BRINP2: variants seen among roughly 807,000 people sequenced by gnomAD.
The protein encoded by BRINP2 is BMP/retinoic acid-inducible neural-specific protein 2.
A neutral mutation model predicts 69.2 loss-of-function variants in BRINP2; 21 were observed. That is an observed-to-expected ratio of 0.30 (90% CI 0.22 to 0.44). The LOEUF (loss-of-function observed/expected upper bound fraction) is 0.44. Ranked by LOEUF, BRINP2 falls within the 20% of genes least tolerant of loss-of-function variation. The pLI, the probability that BRINP2 is intolerant of heterozygous loss-of-function variation, is 1.00. For missense variants in BRINP2, 877 were observed against 986.0 expected, an observed-to-expected ratio of 0.89 and a Z score of 1.48; for synonymous variants, 380 against 394.1, an observed-to-expected ratio of 0.96 and a Z score of 0.42.
At chr1:177,217,056 G>GA (rs1233005445) in intron 1 of BRINP2, among the ~76,000 whole-genome samples, 5 of 151,896 alleles carry the variant, frequency 3.3e-5, no homozygotes, top group Non-Finnish European at 2.9e-5. Context: ...CTTGATTAGA[G>GA]ACGTTTTCAT....
intron 2 of BRINP2, among the ~76,000 whole-genome samples, chr1:177,249,312 A>G (rs1650506655): frequency 6.6e-6 from 1 of 152,190 alleles, no homozygotes; most frequent in Non-Finnish European, 1.5e-5. Context: ...AAGATGGAAA[A>G]TGGACTGAAT....
At chr1:177,252,510 G>T (rs1451289204) in intron 2 of BRINP2, among the ~76,000 whole-genome samples, 1 of 152,054 alleles carries the variant, frequency 6.6e-6, no homozygotes, top group African/African-American at 2.4e-5. Context: ...TGCATACACC[G>T]AATAATGATC....
At position 177,280,640 on chromosome 1, in the gene BRINP2, G is replaced by A; in HGVS notation, c.1464G>A (p.Gln488=). Residue 488 remains glutamine (Q), a synonymous_variant, in exon 8 of 8, where the codon CAG becomes CAA. Coordinates refer to ENST00000361539, the MANE Select transcript of BRINP2 (RefSeq NM_021165.4). ...GCAACCCGGGCTATGTGCTGGCCCA[G>A]GGGCTGTGCCGGCCAGAGGTGGCCG... ...GSCNPGYVLA[Q]GLCRPEVAES... The A allele has an allele frequency of 6.2e-7, 1 of 1,614,208 alleles. No individual in the cohort carries two copies. The highest frequency in any genetic ancestry group is 8.5e-7 in the Non-Finnish European group (1 of 1,180,030).
At chr1:177,240,544 A>G (rs962706384) in intron 2 of BRINP2, among the ~76,000 whole-genome samples, 5 of 152,208 alleles carry the variant, frequency 3.3e-5, no homozygotes, top group Admixed American at 3.3e-4. Context: ...GTCGAGAGGA[A>G]AAGAGGCTGT....
At chr1:177,254,378 GCACACACACACACA>G (rs71565492) in intron 2 of BRINP2, among the ~76,000 whole-genome samples, 1 of 143,938 alleles carries the variant, frequency 6.9e-6, no homozygotes, top group African/African-American at 2.5e-5. Context: ...AAGCACACAT[GCACACACACACACA>G]CACACACACA....
intron 1 of BRINP2, among the ~76,000 whole-genome samples, chr1:177,187,649 C>T (rs1648466952): frequency 6.6e-6 from 1 of 152,108 alleles, no homozygotes; most frequent in South Asian, 2.1e-4. Flanking sequence ...GGCCGCTCAA[C>T]CACTCATGTA....
chr1:177,259,079 C>T (rs1053352007), intron 4 of BRINP2, among the ~76,000 whole-genome samples: 5 of 152,168 alleles, frequency 3.3e-5, no homozygotes, highest in Non-Finnish European at 5.9e-5. Flanking sequence ...CCGCTTGCAA[C>T]AAACAGTTAG....
intron 1 of BRINP2, among the ~76,000 whole-genome samples, chr1:177,210,599 A>C (rs1223109967): frequency 6.6e-6 from 1 of 152,164 alleles, no homozygotes; most frequent in Admixed American, 6.5e-5. Flanking sequence ...AGCATTTAAT[A>C]TATAGCTTGT....
At chr1:177,194,682 T>C (rs1648688790) in intron 1 of BRINP2, among the ~76,000 whole-genome samples, 1 of 152,190 alleles carries the variant, frequency 6.6e-6, no homozygotes, top group African/African-American at 2.4e-5. Flanking sequence ...TAAGAAGATT[T>C]AACTCTCTTT....
At chr1:177,203,281 G>C (rs771057530) in intron 1 of BRINP2, among the ~76,000 whole-genome samples, 3 of 152,014 alleles carry the variant, frequency 2.0e-5, no homozygotes, top group African/African-American at 7.2e-5. Flanking sequence ...TGAACAATGA[G>C]AACACATGGA....
At position 177,281,122 on chromosome 1, in the gene BRINP2, G is replaced by A. The variant is rs768210254; in HGVS notation, c.1946G>A (p.Arg649Gln). Residue 649 changes from arginine to glutamine, a missense_variant, in exon 8 of 8, where the codon CGA becomes CAA. By Grantham distance (43) the Arg-to-Gln change is conservative (BLOSUM62 1). Transcript: ENST00000361539. Reference protein sequence around the residue: ...FETVHVYLRSRIKSLDDSSNE... With the variant: ...FETVHVYLRSQIKSLDDSSNE... ...ACAGTTCATGTTTACCTACGGAGCC[G>A]AATCAAGTCCCTGGATGACAGCTCC... The A allele has an allele frequency of 8.7e-6, 14 of 1,614,048 alleles. No individual in the cohort carries two copies. The African/African-American group carries it at 1.3e-4, about 15-fold the overall frequency.
intron 2 of BRINP2, among the ~76,000 whole-genome samples, 153 bp from the exon 3 acceptor site, chr1:177,255,764 CCT>C (rs1650734880): frequency 6.6e-6 from 1 of 152,200 alleles, no homozygotes; most frequent in Admixed American, 6.5e-5. Flanking sequence ...GGCCAAGGGG[CCT>C]CTTCCAGGCT....
At chr1:177,238,148 G>C (rs1042725928) in intron 2 of BRINP2, among the ~76,000 whole-genome samples, 2 of 152,208 alleles carry the variant, frequency 1.3e-5, no homozygotes, top group African/African-American at 4.8e-5. Context: ...AGGCCTCAGA[G>C]AGTTCTGCTT....
intron 5 of BRINP2, among the ~76,000 whole-genome samples, chr1:177,273,992 G>C (rs1651416457): frequency 6.6e-6 from 1 of 152,212 alleles, no homozygotes; most frequent in South Asian, 2.1e-4. Context: ...GGCCTTTACA[G>C]AGTGGTTAGA....
intron 7 of BRINP2, among the ~76,000 whole-genome samples, chr1:177,279,002 A>G (rs928570557): frequency 3.3e-5 from 5 of 152,230 alleles, no homozygotes; most frequent in Admixed American, 3.3e-4. Flanking sequence ...ACTATTATCT[A>G]AATTATAGTT....
At position 177,280,636 on chromosome 1, in the gene BRINP2, C is replaced by T. The variant is rs1445662927; in HGVS notation, c.1460C>T (p.Ala487Val). The change falls in exon 8 of 8, where the codon GCC (alanine) becomes GTC (valine). Residue 487 changes from alanine to valine, a missense_variant. Coordinates refer to ENST00000361539, the MANE Select transcript of BRINP2 (RefSeq NM_021165.4). The stretch of plus-strand genomic sequence containing the variant: ...AGCTGCAACCCGGGCTATGTGCTGG[C>T]CCAGGGGCTGTGCCGGCCAGAGGTG... ...CGSCNPGYVL[A>V]QGLCRPEVAE... 3.7e-6 allele frequency: 6 copies of T among 1,614,170 alleles called. No individual in the cohort carries two copies. The highest frequency in any genetic ancestry group is 5.1e-6 in the Non-Finnish European group (6 of 1,180,008).
In BRINP2 at chr1:177,171,237, C is replaced by T. The variant is rs532589276; in HGVS notation, c.-572C>T. 3.9e-5 allele frequency among the ~76,000 whole-genome samples: 6 copies of T among 152,186 alleles called. No individual in the cohort carries two copies. The highest frequency in any genetic ancestry group is 1.4e-4 in the African/African-American group (6 of 41,460). On this transcript the variant is annotated 5_prime_UTR_variant, in exon 1 of 8. Coordinates refer to ENST00000361539, the MANE Select transcript of BRINP2 (RefSeq NM_021165.4). ...AAGGCAGTGATTTCGGGTGAGAGAG[C>T]GGGTGGGTGAGTCTCTTTAGAGTTG...
At chr1:177,216,779 G>GTTT (rs35697447) in intron 1 of BRINP2, among the ~76,000 whole-genome samples, 8 of 126,580 alleles carry the variant, frequency 6.3e-5, no homozygotes, top group African/African-American at 1.5e-4. Flanking sequence ...TTGGTTGGTA[G>GTTT]TTTTTTTTTT....
intron 2 of BRINP2, among the ~76,000 whole-genome samples, chr1:177,248,672 G>A (rs1193410256): frequency 2.0e-5 from 3 of 152,142 alleles, no homozygotes; most frequent in Admixed American, 2.0e-4. Flanking sequence ...GAAGACCCCA[G>A]CTGTGCTCTT....
Sources: gnomAD v4.1 joint callset for allele counts (sites outside exome capture counted in the v4.1 genomes callset) on GRCh38, gnomAD v4.1.1 for gene constraint, MANE v1.5 for transcripts, NCBI Gene and HGNC (gene_info 2026-07-23, HGNC 2026-07-21) for gene names.